The following SHISAL1 variants were observed in gnomAD, a reference collection of about 807,000 sequenced individuals.
The protein encoded by SHISAL1 is protein shisa-like-1.
SHISAL1 carries 9 observed loss-of-function variants against 22.6 expected under a neutral mutation model. That is an observed-to-expected ratio of 0.40 (90% CI 0.24 to 0.70). The LOEUF is 0.70. SHISAL1 is among the 30% of genes least tolerant of loss of function. The probability of loss-of-function intolerance (pLI) is 0.39; values close to 1 mark genes in which losing one functional copy is unlikely to be tolerated. For synonymous variants in SHISAL1, 119 were observed against 115.4 expected (o/e 1.03, Z -0.20); for missense variants, 246 against 270.6 (o/e 0.91, Z 0.64).
chr22:44,283,037 G>C (rs135393), intron 4 of SHISAL1, among the ~76,000 whole-genome samples: 92,766 of 152,032 alleles, frequency 0.61, 28,603 homozygotes, highest in Admixed American at 0.73. Flanking sequence ...ATCTCCAAAT[G>C]AAATCCCCTC....
intron 1 of SHISAL1, among the ~76,000 whole-genome samples, chr22:44,312,067 C>T (rs2055522807): frequency 6.6e-6 from 1 of 152,188 alleles, no homozygotes; most frequent in African/African-American, 2.4e-5. Flanking sequence ...CCCTCAGCCT[C>T]CCTGGTCCCC....
chr22:44,298,145 G>T (rs1264878152), intron 2 of SHISAL1, among the ~76,000 whole-genome samples: 2 of 152,202 alleles, frequency 1.3e-5, no homozygotes, highest in African/African-American at 4.8e-5. Context: ...AGCTTTTGGG[G>T]AACCAGGGGA....
chr22:44,301,069 C>T (rs1046895474), intron 1 of SHISAL1, 92 bp from the exon 2 acceptor site: 17 of 804,024 alleles, frequency 2.1e-5, no homozygotes, highest in Middle Eastern at 2.3e-4. Context: ...AGGCGGGCAG[C>T]GGGCAGGAGA....
chr22:44,273,010 C>T (rs1269565831), intron 4 of SHISAL1, among the ~76,000 whole-genome samples: 3 of 151,958 alleles, frequency 2.0e-5, no homozygotes, highest in Non-Finnish European at 2.9e-5. Flanking sequence ...TCAGGAGAAT[C>T]GCTTGAACCC....
At chr22:44,324,826 C>T in the SHISAL1 span, among the ~76,000 whole-genome samples, 6 of 152,340 alleles carry the variant, frequency 3.9e-5, no homozygotes, top group Admixed American at 1.3e-4. Flanking sequence ...CTCAGCTGCA[C>T]GGCTCATTCT....
intron 1 of SHISAL1, among the ~76,000 whole-genome samples, chr22:44,303,121 T>C (rs917303023): frequency 4.6e-5 from 7 of 152,084 alleles, no homozygotes; most frequent in African/African-American, 1.7e-4. Context: ...CCCTGTTGCC[T>C]GCGTGTATCT....
intron 4 of SHISAL1, among the ~76,000 whole-genome samples, chr22:44,269,446 CCAT>C (rs1419712523): frequency 2.8e-5 from 4 of 144,474 alleles, no homozygotes; most frequent in East Asian, 2.0e-4. Flanking sequence ...CACACACACA[CCAT>C]GCCACACAGA....
chr22:44,321,051 A>G, the SHISAL1 span, among the ~76,000 whole-genome samples: 27,904 of 152,060 alleles, frequency 0.18, 2,669 homozygotes, highest in East Asian at 0.31. Context: ...GCTGCCTGGG[A>G]GACTGCAGGC....
At position 44,306,513 on chromosome 22, in the gene SHISAL1, G is replaced by A. The variant is rs1180038998; in HGVS notation, c.-32-5536C>T. 3.1e-5 allele frequency among the ~76,000 whole-genome samples: 4 copies of A among 129,038 alleles called. 1 individual carries two copies. Among genetic ancestry groups the A allele is most frequent in the Admixed American group, 2.5e-4 (3 of 12,188 alleles). 84.7% of individuals were successfully genotyped at this position (129,038 alleles called of 152,430 possible). A position where few individuals can be genotyped will look rare whatever the true frequency, so the allele number is the denominator to read the frequency against. On this transcript the variant is annotated intron_variant, in intron 1 of 4. Transcript: ENST00000381176. Reference sequence around the variant, plus strand: ...GTGATGACGATGGCATGTGTAGAGGGTACCTGGGCTCGGGGAGCTCTGATG... The same window carrying A: ...GTGATGACGATGGCATGTGTAGAGGATACCTGGGCTCGGGGAGCTCTGATG...
In SHISAL1 at chr22:44,285,759, GA is replaced by G. The variant is rs778986728; in HGVS notation, c.282-15del. On this transcript the variant is annotated splice_polypyrimidine_tract_variant and intron_variant, in intron 3 of 4. Transcript: ENST00000381176. ...GCGGTGTAATTGCTGCGAACAAACA[GA>G]GAGGGAGTGAGCAAGCAGAGGGGAG... 7.5e-6 allele frequency: 12 copies of G among 1,597,384 alleles called. No individual in the cohort carries two copies. The South Asian group carries it at 1.3e-4, about 18-fold the overall frequency.
At position 44,296,699 on chromosome 22, in the gene SHISAL1, G is replaced by A. The variant is rs749337539; in HGVS notation, c.254C>T (p.Thr85Met). The change falls in exon 3 of 5, where the codon ACG (threonine) becomes ATG (methionine). Residue 85 changes from threonine to methionine, a missense_variant. Coordinates refer to ENST00000381176, the MANE Select transcript of SHISAL1 (RefSeq NM_001099294.2). ...EFQAVMQANL[T>M]ASSEGYMHNN... ...GTGCATGTAACCCTCGGAGCTGGCCGTGAGGTTCGCCTGCATCACCGCCTG... is the reference window on the plus strand; with the variant it reads ...GTGCATGTAACCCTCGGAGCTGGCCATGAGGTTCGCCTGCATCACCGCCTG... The A allele has an allele frequency of 1.3e-5, 21 of 1,613,780 alleles. No individual in the cohort carries two copies. The East Asian group carries it at 1.8e-4, about 14-fold the overall frequency.
At position 44,248,354 on chromosome 22, in the gene SHISAL1, T is replaced by G. The variant is rs1312340198; in HGVS notation, c.*1331A>C. The G allele has an allele frequency of 3.3e-5, 5 of 152,246 alleles. No individual in the cohort carries two copies. Among genetic ancestry groups the G allele is most frequent in the African/African-American group, 1.2e-4 (5 of 41,444 alleles). 9.4% of individuals were successfully genotyped at this position (152,246 alleles called of 1,614,324 possible). ...CCCGAGCTAAGAGCTGGGGGAGATT[T>G]GGTATCACTAACACCCATGGAATGA... On this transcript the variant is annotated 3_prime_UTR_variant, in exon 5 of 5. Coordinates refer to ENST00000381176, the MANE Select transcript of SHISAL1 (RefSeq NM_001099294.2).
chr22:44,317,699 A>C (rs1227397141), upstream of SHISAL1, among the ~76,000 whole-genome samples: 1 of 152,190 alleles, frequency 6.6e-6, no homozygotes, highest in East Asian at 1.9e-4. Context: ...TTGTTGGGGA[A>C]GGCAAGGAGG....
At chr22:44,255,982 G>A (rs747899185) in intron 4 of SHISAL1, among the ~76,000 whole-genome samples, 1 of 152,208 alleles carries the variant, frequency 6.6e-6, no homozygotes, top group Non-Finnish European at 1.5e-5. Context: ...CCCCTGTGCA[G>A]GTGGCTTCAT....
At chr22:44,294,120 C>T (rs1569221377) in intron 3 of SHISAL1, among the ~76,000 whole-genome samples, 1 of 152,258 alleles carries the variant, frequency 6.6e-6, no homozygotes, top group Admixed American at 6.5e-5. Context: ...GCACTACCCT[C>T]GTCTCTCAGG....
chr22:44,291,805 C>A (rs577714465), intron 3 of SHISAL1, among the ~76,000 whole-genome samples: 1 of 151,746 alleles, frequency 6.6e-6, no homozygotes, highest in Non-Finnish European at 1.5e-5. Context: ...ATCCCCTGCA[C>A]GCCCTGGCCC....
intron 4 of SHISAL1, among the ~76,000 whole-genome samples, chr22:44,273,546 T>C (rs904705643): frequency 6.6e-6 from 1 of 152,250 alleles, no homozygotes; most frequent in Non-Finnish European, 1.5e-5. Flanking sequence ...CCAAAATTCC[T>C]ACACCCTAAA....
At position 44,248,891 on chromosome 22, in the gene SHISAL1, A is replaced by C. The variant is rs1054486911; in HGVS notation, c.*794T>G. On this transcript the variant is annotated 3_prime_UTR_variant, in exon 5 of 5. Coordinates refer to ENST00000381176, the MANE Select transcript of SHISAL1 (RefSeq NM_001099294.2). Reference sequence around the variant, plus strand: ...TGAGTTTTTCTGCAGGGGGTTAATCATACCTGCCTCCCAGGTGGTGAGAGA... The same window carrying C: ...TGAGTTTTTCTGCAGGGGGTTAATCCTACCTGCCTCCCAGGTGGTGAGAGA... The C allele has an allele frequency of 1.3e-5, 2 of 152,172 alleles. No homozygotes were observed. The highest frequency in any genetic ancestry group is 2.9e-5 in the Non-Finnish European group (2 of 68,040). The allele number at this position is 152,172 out of a possible 1,614,324, so 9.4% of individuals were successfully genotyped here.
intron 4 of SHISAL1, among the ~76,000 whole-genome samples, chr22:44,260,295 G>T (rs747245088): frequency 3.9e-5 from 6 of 152,206 alleles, no homozygotes; most frequent in Non-Finnish European, 8.8e-5. Flanking sequence ...ATTGGATTCT[G>T]CAAGAGGCTG....
Sources: gnomAD v4.1 joint callset for allele counts (sites outside exome capture counted in the v4.1 genomes callset) on GRCh38, gnomAD v4.1.1 for gene constraint, MANE v1.5 for transcripts, NCBI Gene and HGNC (gene_info 2026-07-23, HGNC 2026-07-21) for gene names.